ADRB1: variants seen among roughly 807,000 people sequenced by gnomAD.
The protein encoded by ADRB1 is beta-1 adrenergic receptor.
For synonymous variants in ADRB1, 365 were observed against 347.2 expected (o/e 1.05, Z -0.57); for missense variants, 635 against 709.1 (o/e 0.90, Z 1.19).
At position 114,044,981 on chromosome 10, in the gene ADRB1, C is replaced by T; in HGVS notation, c.849C>T (p.Pro283=). The change falls in exon 1 of 1, where the codon CCC becomes CCT. Residue 283 remains proline, a synonymous_variant. Coordinates refer to ENST00000369295, the MANE Select transcript of ADRB1 (RefSeq NM_000684.3). The surrounding 1 kb of genome is among the most constrained non-coding windows in gnomAD (Gnocchi z 7.8). ...CCTCGCCCTCGCCCGTCCCCGCGCCCGCGCCGCCGCCCGGACCCCCGCGCC... is the reference window on the plus strand; with the variant it reads ...CCTCGCCCTCGCCCGTCCCCGCGCCTGCGCCGCCGCCCGGACCCCCGCGCC... The part of the protein sequence containing the change: ...PSPSPSPVPA[P]APPPGPPRPA... The T allele has an allele frequency of 9.0e-7, 1 of 1,107,052 alleles. No homozygotes were observed. 68.6% of individuals were successfully genotyped at this position (1,107,052 alleles called of 1,614,324 possible).
Position 114,046,513 on chromosome 10 carries a change from G to A in ADRB1, c.*947G>A, listed in dbSNP as rs1471425123. ...GTTCAAAATGCCATTTTTGCACAGT[G>A]TTAGGAATTACAAAATCCACAGAAG... is the stretch of plus-strand genomic sequence containing the variant. On this transcript the variant is annotated 3_prime_UTR_variant, in exon 1 of 1. Transcript: ENST00000369295. The A allele has an allele frequency of 6.0e-6, 1 of 167,034 alleles. No homozygotes were observed. Among genetic ancestry groups the A allele is most frequent in the African/African-American group, 2.4e-5 (1 of 41,434 alleles). The allele number at this position is 167,034 out of a possible 1,614,324, so 10.3% of individuals were successfully genotyped here.
At position 114,044,224 on chromosome 10, in the gene ADRB1, G is replaced by C. The variant is rs35230616; in HGVS notation, c.92G>C (p.Arg31Pro). The change falls in exon 1 of 1, where the codon CGG (arginine) becomes CCG (proline). Residue 31 changes from arginine (R) to proline (P), a missense_variant. By Grantham distance (103) the Arg-to-Pro change is moderately radical. Coordinates refer to ENST00000369295, the MANE Select transcript of ADRB1 (RefSeq NM_000684.3). This position sits in a 1 kb window ranked among gnomAD's most constrained non-coding sequence, Gnocchi z 7.8. The part of the protein sequence containing the change: ...PLPDGAATAA[R>P]LLVPASPPAS... ...CCCGACGGCGCGGCCACCGCGGCGCGGCTGCTGGTGCCCGCGTCGCCGCCC... is the reference window on the plus strand; with the variant it reads ...CCCGACGGCGCGGCCACCGCGGCGCCGCTGCTGGTGCCCGCGTCGCCGCCC... 5 of 1,424,672 alleles carry C rather than the reference G, an allele frequency of 3.5e-6. No homozygotes were observed. The highest frequency in any genetic ancestry group is 4.5e-6 in the Non-Finnish European group (5 of 1,101,606). 88.3% of individuals were successfully genotyped at this position (1,424,672 alleles called of 1,614,324 possible).
In ADRB1 at chr10:114,045,202, G is replaced by T; in HGVS notation, c.1070G>T (p.Arg357Leu). ...TTCCACCGCGAGCTGGTGCCCGACC[G>T]CCTCTTCGTCTTCTTCAACTGGCTG... ...KAFHRELVPDRLFVFFNWLGY... is the reference protein window; with the variant it reads ...KAFHRELVPDLLFVFFNWLGY... The change falls in exon 1 of 1, where the codon CGC becomes CTC. Residue 357 changes from arginine to leucine, a missense_variant. Transcript: ENST00000369295. The T allele has an allele frequency of 4.4e-6, 7 of 1,597,508 alleles. No homozygotes were observed. The highest frequency in any genetic ancestry group is 6.0e-6 in the Non-Finnish European group (7 of 1,171,594).
rs1244069502 is a variant in ADRB1, at chr10:114,045,134, G to T, written c.1002G>T (p.Thr334=). ...TGGGCATCATCATGGGCGTCTTCACGCTCTGCTGGCTGCCCTTCTTCCTGG... is the reference window on the plus strand; with the variant it reads ...TGGGCATCATCATGGGCGTCTTCACTCTCTGCTGGCTGCCCTTCTTCCTGG... The part of the protein sequence containing the change: ...KTLGIIMGVF[T]LCWLPFFLAN... The change falls in exon 1 of 1, where the codon ACG becomes ACT. Residue 334 remains threonine (T), a synonymous_variant. Transcript: ENST00000369295. 2 of 1,587,130 alleles carry T rather than the reference G, an allele frequency of 1.3e-6. No homozygotes were observed. The highest frequency in any genetic ancestry group is 1.7e-5 in the Admixed American group (1 of 57,178).
At position 114,046,550 on chromosome 10, in the gene ADRB1, A is replaced by G. The variant is rs1206721294; in HGVS notation, c.*984A>G. On this transcript the variant is annotated 3_prime_UTR_variant, in exon 1 of 1. Coordinates refer to ENST00000369295, the MANE Select transcript of ADRB1 (RefSeq NM_000684.3). ...AAAATCCACAGAAGATGTTACTTGCACAAAAAGAAATTAAATATTTTTTAA... is the reference window on the plus strand; with the variant it reads ...AAAATCCACAGAAGATGTTACTTGCGCAAAAAGAAATTAAATATTTTTTAA... The G allele has an allele frequency of 6.0e-6, 1 of 167,106 alleles. No individual in the cohort carries two copies. The highest frequency in any genetic ancestry group is 1.5e-5 in the Non-Finnish European group (1 of 68,126). 10.4% of individuals were successfully genotyped at this position (167,106 alleles called of 1,614,324 possible). A position where few individuals can be genotyped will look rare whatever the true frequency, so the allele number is the denominator to read the frequency against.
At position 114,045,137 on chromosome 10, in the gene ADRB1, C is replaced by A; in HGVS notation, c.1005C>A (p.Leu335=). ...TLGIIMGVFT[L]CWLPFFLANV... ...GCATCATCATGGGCGTCTTCACGCT[C>A]TGCTGGCTGCCCTTCTTCCTGGCCA... The change falls in exon 1 of 1, where the codon CTC becomes CTA. Residue 335 remains leucine (L), a synonymous_variant. Transcript: ENST00000369295. The A allele has an allele frequency of 6.3e-7, 1 of 1,589,924 alleles. No individual in the cohort carries two copies. Among genetic ancestry groups the A allele is most frequent in the East Asian group, 2.3e-5 (1 of 42,970 alleles).
At position 114,044,342 on chromosome 10, in the gene ADRB1, G is replaced by A; in HGVS notation, c.210G>A (p.Leu70=). 1.2e-6 allele frequency: 2 copies of A among 1,604,684 alleles called. No individual in the cohort carries two copies. Among genetic ancestry groups the A allele is most frequent in the Non-Finnish European group, 8.5e-7 (1 of 1,178,114 alleles). The change falls in exon 1 of 1, where the codon CTG becomes CTA. Residue 70 remains leucine (L), a synonymous_variant. Coordinates refer to ENST00000369295, the MANE Select transcript of ADRB1 (RefSeq NM_000684.3). The surrounding 1 kb of genome is among the most constrained non-coding windows in gnomAD (Gnocchi z 7.8). ...GMGLLMALIV[L]LIVAGNVLVI... is the part of the protein sequence containing the mutation. ...GTCTGCTGATGGCGCTCATCGTGCT[G>A]CTCATCGTGGCGGGCAATGTGCTGG...
At position 114,043,946 on chromosome 10, in the gene ADRB1, G is replaced by A; in HGVS notation, c.-187G>A. On this transcript the variant is annotated 5_prime_UTR_variant, in exon 1 of 1. Coordinates refer to ENST00000369295, the MANE Select transcript of ADRB1 (RefSeq NM_000684.3). ...AGCGGCGGCGGCGGCGGCGGCGGCA[G>A]CGGCAGCGACAGCGCTCGGCTCCTG... 1.3e-5 allele frequency: 4 copies of A among 307,694 alleles called. No individual in the cohort carries two copies. Among genetic ancestry groups the A allele is most frequent in the Non-Finnish European group, 2.1e-5 (4 of 188,220 alleles). The allele number at this position is 307,694 out of a possible 1,614,324, so 19.1% of individuals were successfully genotyped here.
rs1299677232 is a variant in ADRB1 at position 114,045,710 on chromosome 10, T to C, written c.*144T>C. On this transcript the variant is annotated 3_prime_UTR_variant, in exon 1 of 1. Coordinates refer to ENST00000369295, the MANE Select transcript of ADRB1 (RefSeq NM_000684.3). The stretch of plus-strand genomic sequence containing the variant: ...AGGCAAAGAGAAAAGCCACGGACCG[T>C]TGCACAAAAAGGAAAGTTTGGGAAG... 1 of 845,142 alleles carries C rather than the reference T, an allele frequency of 1.2e-6. No homozygotes were observed. The highest frequency in any genetic ancestry group is 1.6e-6 in the Non-Finnish European group (1 of 626,320). 52.4% of individuals were successfully genotyped at this position (845,142 alleles called of 1,614,324 possible).
In ADRB1 at chr10:114,045,529, C is replaced by G; in HGVS notation, c.1397C>G (p.Pro466Arg). Reference sequence around the variant, plus strand: ...GACAGCGACTCGAGCCTGGACGAGCCGTGCCGCCCCGGCTTCGCCTCGGAA... The same window carrying G: ...GACAGCGACTCGAGCCTGGACGAGCGGTGCCGCCCCGGCTTCGCCTCGGAA... ...AADSDSSLDEPCRPGFASESK... is the reference protein window; with the variant it reads ...AADSDSSLDERCRPGFASESK... The change falls in exon 1 of 1, where the codon CCG (proline) becomes CGG (arginine). Residue 466 changes from proline (P) to arginine (R), a missense_variant. Transcript: ENST00000369295. 7.6e-7 allele frequency: 1 copy of G among 1,308,386 alleles called. No homozygotes were observed. Among genetic ancestry groups the G allele is most frequent in the African/African-American group, 1.5e-5 (1 of 65,018 alleles). The allele number at this position is 1,308,386 out of a possible 1,614,324, so 81.0% of individuals were successfully genotyped here.
chr10:114,044,165 C>G lies in ADRB1; in HGVS notation c.33C>G (p.Ser11=), dbSNP rs1847525514. MGAGVLVLGA[S]EPGNLSSAAP... ...CGGGGGTGCTCGTCCTGGGCGCCTC[C>G]GAGCCCGGTAACCTGTCGTCGGCCG... The change falls in exon 1 of 1, where the codon TCC becomes TCG. Residue 11 remains serine (S), a synonymous_variant. Coordinates refer to ENST00000369295, the MANE Select transcript of ADRB1 (RefSeq NM_000684.3). The surrounding 1 kb of genome is among the most constrained non-coding windows in gnomAD (Gnocchi z 7.8). 2 of 1,348,732 alleles carry G rather than the reference C, an allele frequency of 1.5e-6. No homozygotes were observed. Among genetic ancestry groups the G allele is most frequent in the Non-Finnish European group, 1.9e-6 (2 of 1,061,216 alleles). 83.5% of individuals were successfully genotyped at this position (1,348,732 alleles called of 1,614,324 possible).
chr10:114,044,147 G>C lies in ADRB1; in HGVS notation c.15G>C (p.Val5=). ...CGCAGCTCGGCATGGGCGCGGGGGT[G>C]CTCGTCCTGGGCGCCTCCGAGCCCG... The part of the protein sequence containing the change: MGAG[V]LVLGASEPGN... Residue 5 remains valine (V), a synonymous_variant, in exon 1 of 1, where the codon GTG becomes GTC. Coordinates refer to ENST00000369295, the MANE Select transcript of ADRB1 (RefSeq NM_000684.3). The surrounding 1 kb of genome is among the most constrained non-coding windows in gnomAD (Gnocchi z 7.8). 1 of 1,318,264 alleles carries C rather than the reference G, an allele frequency of 7.6e-7. No homozygotes were observed. Among genetic ancestry groups the C allele is most frequent in the Non-Finnish European group, 9.6e-7 (1 of 1,043,058 alleles). 81.7% of individuals were successfully genotyped at this position (1,318,264 alleles called of 1,614,324 possible). A position where few individuals can be genotyped will look rare whatever the true frequency, so the allele number is the denominator to read the frequency against.
chr10:114,045,089 G>C lies in ADRB1; in HGVS notation c.957G>C (p.Glu319Asp), dbSNP rs772631299. ...CCTCGCGCCTCGTGGCCCTGCGCGAGCAGAAGGCGCTCAAGACGCTGGGCA... is the reference window on the plus strand; with the variant it reads ...CCTCGCGCCTCGTGGCCCTGCGCGACCAGAAGGCGCTCAAGACGCTGGGCA... Reference protein sequence around the residue: ...RRPSRLVALREQKALKTLGII... With the variant: ...RRPSRLVALRDQKALKTLGII... The change falls in exon 1 of 1, where the codon GAG becomes GAC. Residue 319 changes from glutamate (E) to aspartate (D), a missense_variant. Glu to Asp is a conservative substitution (Grantham distance 45). Transcript: ENST00000369295. 1 of 1,499,708 alleles carries C rather than the reference G, an allele frequency of 6.7e-7. No homozygotes were observed. The highest frequency in any genetic ancestry group is 8.9e-7 in the Non-Finnish European group (1 of 1,121,998). The allele number at this position is 1,499,708 out of a possible 1,614,324, so 92.9% of individuals were successfully genotyped here.
Position 114,044,887 on chromosome 10 carries a change from A to G in ADRB1, c.755A>G (p.Gln252Arg), listed in dbSNP as rs1314557238. The G allele has an allele frequency of 3.1e-6, 5 of 1,611,484 alleles. No individual in the cohort carries two copies. The South Asian group carries it at 3.3e-5, about 11-fold the overall frequency. Residue 252 changes from glutamine to arginine, a missense_variant, in exon 1 of 1, where the codon CAG becomes CGG. Physicochemically the swap from Gln to Arg is conservative, Grantham distance 43 (BLOSUM62 1). Coordinates refer to ENST00000369295, the MANE Select transcript of ADRB1 (RefSeq NM_000684.3). The surrounding 1 kb of genome is among the most constrained non-coding windows in gnomAD (Gnocchi z 7.8). The stretch of plus-strand genomic sequence containing the variant: ...TACCTGCGGGTGTTCCGCGAGGCCC[A>G]GAAGCAGGTGAAGAAGATCGACAGC... ...FVYLRVFREAQKQVKKIDSCE... is the reference protein window; with the variant it reads ...FVYLRVFREARKQVKKIDSCE...
In ADRB1 at chr10:114,044,625, C is replaced by T; in HGVS notation, c.493C>T (p.Arg165Cys). The T allele has an allele frequency of 6.2e-7, 1 of 1,613,354 alleles. No individual in the cohort carries two copies. Among genetic ancestry groups the T allele is most frequent in the African/African-American group, 1.3e-5 (1 of 75,052 alleles). The stretch of plus-strand genomic sequence containing the variant: ...CTACCTCGCCATCACCTCGCCCTTC[C>T]GCTACCAGAGCCTGCTGACGCGCGC... ...DRYLAITSPF[R>C]YQSLLTRARA... The change falls in exon 1 of 1, where the codon CGC (arginine) becomes TGC (cysteine). Residue 165 changes from arginine to cysteine, a missense_variant. Transcript: ENST00000369295. The surrounding 1 kb of genome is among the most constrained non-coding windows in gnomAD (Gnocchi z 7.8).
chr10:114,044,507 G>A lies in ADRB1; in HGVS notation c.375G>A (p.Glu125=), dbSNP rs141398460. Residue 125 remains glutamate, a synonymous_variant, in exon 1 of 1, where the codon GAG becomes GAA. Transcript: ENST00000369295. The surrounding 1 kb of genome is among the most constrained non-coding windows in gnomAD (Gnocchi z 7.8). The part of the protein sequence containing the change: ...GATIVVWGRW[E]YGSFFCELWT... ...CCATCGTGGTGTGGGGCCGCTGGGA[G>A]TACGGCTCCTTCTTCTGCGAGCTGT... 3.3e-5 allele frequency: 54 copies of A among 1,613,628 alleles called. No individual in the cohort carries two copies. Among genetic ancestry groups the A allele is most frequent in the Admixed American group, 2.8e-4 (17 of 60,012 alleles).
In ADRB1 at chr10:114,045,066, T is replaced by C; in HGVS notation, c.934T>C (p.Ser312Pro). ...ANGRAGKRRP[S>P]RLVALREQKA... ...CGGGCGTGCGGGTAAGCGGCGGCCC[T>C]CGCGCCTCGTGGCCCTGCGCGAGCA... is the stretch of plus-strand genomic sequence containing the variant. The change falls in exon 1 of 1, where the codon TCG becomes CCG. Residue 312 changes from serine (S) to proline (P), a missense_variant. Coordinates refer to ENST00000369295, the MANE Select transcript of ADRB1 (RefSeq NM_000684.3). 2 of 1,414,462 alleles carry C rather than the reference T, an allele frequency of 1.4e-6. No individual in the cohort carries two copies. The highest frequency in any genetic ancestry group is 6.2e-5 in the East Asian group (2 of 32,206). 87.6% of individuals were successfully genotyped at this position (1,414,462 alleles called of 1,614,324 possible). A position where few individuals can be genotyped will look rare whatever the true frequency, so the allele number is the denominator to read the frequency against.
Position 114,044,841 on chromosome 10 carries a change from C to T in ADRB1, c.709C>T (p.Leu237=). 1 of 1,613,840 alleles carries T rather than the reference C, an allele frequency of 6.2e-7. No homozygotes were observed. The highest frequency in any genetic ancestry group is 8.5e-7 in the Non-Finnish European group (1 of 1,179,926). The change falls in exon 1 of 1, where the codon CTG becomes TTG. Residue 237 remains leucine, a synonymous_variant. Coordinates refer to ENST00000369295, the MANE Select transcript of ADRB1 (RefSeq NM_000684.3). This position sits in a 1 kb window ranked among gnomAD's most constrained non-coding sequence, Gnocchi z 7.8. ...ASSVVSFYVP[L]CIMAFVYLRV... is the part of the protein sequence containing the mutation. ...GTCCGTAGTCTCCTTCTACGTGCCC[C>T]TGTGCATCATGGCCTTCGTGTACCT... is the stretch of plus-strand genomic sequence containing the variant.
rs1243793342 is a variant in ADRB1 at position 114,045,125 on chromosome 10, C to A, written c.993C>A (p.Gly331=). 7 of 1,581,098 alleles carry A rather than the reference C, an allele frequency of 4.4e-6. No homozygotes were observed. The highest frequency in any genetic ancestry group is 5.2e-6 in the Non-Finnish European group (6 of 1,164,752). Residue 331 remains glycine (G), a synonymous_variant, in exon 1 of 1, where the codon GGC becomes GGA. Coordinates refer to ENST00000369295, the MANE Select transcript of ADRB1 (RefSeq NM_000684.3). ...KALKTLGIIM[G]VFTLCWLPFF... ...TCAAGACGCTGGGCATCATCATGGG[C>A]GTCTTCACGCTCTGCTGGCTGCCCT...
Sources: gnomAD v4.1 joint callset for allele counts on GRCh38, gnomAD v4.1.1 for gene constraint, Gnocchi (gnomAD v3.1) non-coding constraint, MANE v1.5 for transcripts, NCBI Gene and HGNC (gene_info 2026-07-23, HGNC 2026-07-21) for gene names.